The following ST18 variants were observed in gnomAD, a reference collection of about 807,000 sequenced individuals.
ST18 encodes the protein suppression of tumorigenicity 18 protein.
A neutral mutation model predicts 110.0 loss-of-function variants in ST18; 50 were observed. That is an observed-to-expected ratio of 0.45 (90% CI 0.36 to 0.58). The LOEUF is 0.58. Ranked by LOEUF, ST18 falls within the 20% of genes least tolerant of loss-of-function variation. The pLI is 0.00. For missense variants in ST18, 1,306 were observed against 1,280.1 expected (o/e 1.02, Z -0.31); for synonymous variants, 461 against 452.4 (o/e 1.02, Z -0.24).
intron 2 of ST18, among the ~76,000 whole-genome samples, chr8:52,243,674 C>T (rs367733065): frequency 1.3e-3 from 196 of 152,250 alleles, no homozygotes; most frequent in African/African-American, 4.4e-3. Flanking sequence ...GAACTTGACA[C>T]CATGCCTGGC....
At chr8:52,214,325 T>C (rs1384709251) in intron 6 of ST18, 68 bp from the exon 7 acceptor site, 6 of 1,541,642 alleles carry the variant, frequency 3.9e-6, no homozygotes, top group Non-Finnish European at 5.4e-6. Context: ...AACATGTAAT[T>C]AGAAGTTCTG....
At chr8:52,380,569 T>A (rs16917781) in intron 2 of ST18, among the ~76,000 whole-genome samples, 7,161 of 152,160 alleles carry the variant, frequency 0.047, 577 homozygotes, top group African/African-American at 0.17. Context: ...TAGCACTCCC[T>A]ATATATTCTT....
intron 2 of ST18, among the ~76,000 whole-genome samples, chr8:52,330,565 C>T (rs377217995): frequency 6.6e-6 from 1 of 152,182 alleles, no homozygotes; most frequent in Admixed American, 6.5e-5. Flanking sequence ...ATATGGCATC[C>T]AGGTCATTCT....
At chr8:52,232,438 A>G (rs2091680457) in intron 2 of ST18, among the ~76,000 whole-genome samples, 1 of 152,240 alleles carries the variant, frequency 6.6e-6, no homozygotes, top group Admixed American at 6.5e-5. Flanking sequence ...TTATATCATA[A>G]AAACAAATTT....
At chr8:52,273,987 A>G (rs1233038783) in intron 2 of ST18, among the ~76,000 whole-genome samples, 5 of 152,212 alleles carry the variant, frequency 3.3e-5, no homozygotes, top group African/African-American at 1.2e-4. Flanking sequence ...ACCCATTGAC[A>G]CTACTCTCTT....
At chr8:52,332,374 A>T (rs997823695) in intron 2 of ST18, among the ~76,000 whole-genome samples, 4 of 152,032 alleles carry the variant, frequency 2.6e-5, no homozygotes, top group Admixed American at 1.3e-4. Flanking sequence ...AAGTGCCTAA[A>T]CCTTGCTCAG....
intron 10 of ST18, among the ~76,000 whole-genome samples, chr8:52,170,408 C>T (rs973479115): frequency 6.6e-6 from 1 of 150,710 alleles, no homozygotes; most frequent in African/African-American, 2.4e-5. Flanking sequence ...GCCGACACGG[C>T]GCCACTGCAC....
chr8:52,292,440 C>T (rs962480309), intron 2 of ST18, among the ~76,000 whole-genome samples: 4 of 152,114 alleles, frequency 2.6e-5, no homozygotes, highest in Non-Finnish European at 5.9e-5. Flanking sequence ...ATTATGTGTG[C>T]ATGAACTATC....
intron 2 of ST18, among the ~76,000 whole-genome samples, chr8:52,263,083 C>T (rs534521873): frequency 6.6e-6 from 1 of 152,182 alleles, no homozygotes; most frequent in African/African-American, 2.4e-5. Flanking sequence ...TTTTAGTTGT[C>T]CCACTTTGAA....
intron 2 of ST18, among the ~76,000 whole-genome samples, chr8:52,268,736 C>T (rs55759895): frequency 4.6e-5 from 7 of 152,166 alleles, no homozygotes; most frequent in Non-Finnish European, 1.0e-4. Context: ...AATACAAGAA[C>T]GCAGAGCCGA....
chr8:52,198,882 C>T (rs2077033370), intron 8 of ST18, among the ~76,000 whole-genome samples: 2 of 152,174 alleles, frequency 1.3e-5, no homozygotes, highest in South Asian at 4.1e-4. Flanking sequence ...CCTTCCTCCA[C>T]ATGCAACACC....
intron 2 of ST18, among the ~76,000 whole-genome samples, chr8:52,271,905 C>T (rs916364408): frequency 1.1e-4 from 17 of 152,192 alleles, no homozygotes; most frequent in African/African-American, 1.9e-4. Context: ...TTATATATTT[C>T]GCCATCAAAT....
At chr8:52,219,427 T>C (rs2085759686) in intron 5 of ST18, among the ~76,000 whole-genome samples, 1 of 152,238 alleles carries the variant, frequency 6.6e-6, no homozygotes, top group South Asian at 2.1e-4. Flanking sequence ...TTTTACACCA[T>C]CTGTGACAAC....
intron 8 of ST18, 117 bp from the exon 9 acceptor site, chr8:52,180,429 G>T (rs557107204): frequency 3.1e-5 from 34 of 1,102,996 alleles, no homozygotes; most frequent in Non-Finnish European, 4.0e-5. Flanking sequence ...GAGGTTTAGG[G>T]TTGGTTACTG....
In ST18 at chr8:52,400,533, T is replaced by C. The variant is rs967871868; in HGVS notation, c.-465+8795A>G. ...TTTTGTTGTCTGCCTTTGTGATTTG[T>C]TGATTTTCTGTAGTGCTAAGCTTTG... On this transcript the variant is annotated intron_variant, in intron 2 of 25. Transcript: ENST00000689386. 5.3e-5 allele frequency among the ~76,000 whole-genome samples: 8 copies of C among 152,196 alleles called. No homozygotes were observed. The South Asian group carries it at 1.7e-3, about 31-fold the overall frequency.
intron 2 of ST18, among the ~76,000 whole-genome samples, chr8:52,401,782 A>G (rs1842870799): frequency 6.6e-6 from 1 of 152,018 alleles, no homozygotes; most frequent in African/African-American, 2.4e-5. Flanking sequence ...ATTCCTTTTT[A>G]AGCAATTTCA....
chr8:52,277,291 T>G (rs1470135133), intron 2 of ST18, among the ~76,000 whole-genome samples: 1 of 152,224 alleles, frequency 6.6e-6, no homozygotes, highest in Non-Finnish European at 1.5e-5. Flanking sequence ...CATCCACTCC[T>G]GCTCATCTCG....
chr8:52,401,112 G>GT (rs984866412), intron 2 of ST18, among the ~76,000 whole-genome samples: 4 of 151,968 alleles, frequency 2.6e-5, no homozygotes, highest in Admixed American at 1.3e-4. Context: ...TGGCTGACAG[G>GT]TTTTTTTTCT....
intron 2 of ST18, among the ~76,000 whole-genome samples, chr8:52,385,922 T>G (rs116992028): frequency 0.017 from 2,580 of 152,268 alleles, 26 homozygotes; most frequent in Non-Finnish European, 0.026. Context: ...ACTCTCTTAC[T>G]GTGTCCTAGG....
Sources: allele counts gnomAD v4.1 joint callset (sites outside exome capture counted in the v4.1 genomes callset), GRCh38; gene constraint gnomAD v4.1.1; transcripts MANE v1.5; gene names NCBI Gene and HGNC (gene_info 2026-07-23, HGNC 2026-07-21).